Variants in LMO7 observed in about 807,000 individuals in gnomAD.
The protein encoded by LMO7 is LIM domain only protein 7.
A neutral mutation model predicts 206.5 loss-of-function variants in LMO7; 120 were observed. The observed-to-expected ratio is 0.58, with a 90% CI of 0.50 to 0.68. The LOEUF (loss-of-function observed/expected upper bound fraction) is 0.68. Among genes scored for constraint, LMO7 ranks in the 30% least tolerant of loss-of-function variants. The probability of loss-of-function intolerance (pLI) is 0.00; values close to 1 mark genes in which losing one functional copy is unlikely to be tolerated. For synonymous variants in LMO7, 706 were observed against 681.5 expected (o/e 1.04, Z -0.56); for missense variants, 1,959 against 1,957.9 (o/e 1.00, Z -0.01).
Position 75,670,981 on chromosome 13 carries a change from T to TTTTTTTC in LMO7, c.69+34257_69+34258insTTTTCTT, listed in dbSNP as rs1381214413. ...ATGTTTAAAACTTTTTTTTTTTTTT[T>TTTTTTTC]TTACTATTTAAACTTTCTTGTTAAA... is the stretch of plus-strand genomic sequence containing the variant. On this transcript the variant is annotated intron_variant, in intron 1 of 30. Transcript: ENST00000377534. Among the ~76,000 whole-genome samples, 53 of 150,618 alleles carry TTTTTTTC rather than the reference T, an allele frequency of 3.5e-4. 1 individual carries two copies. The highest frequency in any genetic ancestry group is 3.4e-3 in the Middle Eastern group (1 of 292).
chr13:75,758,147 T>C (rs140679953), intron 3 of LMO7, among the ~76,000 whole-genome samples: 123 of 152,278 alleles, frequency 8.1e-4, no homozygotes, highest in African/African-American at 2.9e-3. Context: ...TCCTGGTGAC[T>C]AGTCCAATTA....
At chr13:75,729,511 C>CT (rs1246095083) in intron 3 of LMO7, among the ~76,000 whole-genome samples, 1 of 151,802 alleles carries the variant, frequency 6.6e-6, no homozygotes, top group Non-Finnish European at 1.5e-5. Flanking sequence ...TGCTTATCAG[C>CT]TTAAGGAGAT....
At chr13:75,630,006 C>T (rs8002355) in intron 2 of LMO7, among the ~76,000 whole-genome samples, 11,947 of 152,082 alleles carry the variant, frequency 0.079, 1,508 homozygotes, top group African/African-American at 0.27. Context: ...CCTGTTCATA[C>T]GAAAACCTAC....
chr13:75,761,529 G>T (rs550745946), intron 4 of LMO7, among the ~76,000 whole-genome samples: 1 of 152,260 alleles, frequency 6.6e-6, no homozygotes, highest in East Asian at 1.9e-4. Context: ...CAAGGACCTT[G>T]TCAGTTGTGG....
At chr13:75,769,785 A>C (rs1353149472) in intron 4 of LMO7, among the ~76,000 whole-genome samples, 1 of 152,140 alleles carries the variant, frequency 6.6e-6, no homozygotes, top group African/African-American at 2.4e-5. Context: ...ATGCTTATCA[A>C]GTATTACTGT....
At chr13:75,719,707 GC>G (rs2043863069) in intron 2 of LMO7, among the ~76,000 whole-genome samples, 1 of 152,182 alleles carries the variant, frequency 6.6e-6, no homozygotes, top group Non-Finnish European at 1.5e-5. Context: ...CTCCTGTTAA[GC>G]CTGTGGAATT....
chr13:75,833,143 C>A lies in LMO7; in HGVS notation c.3042C>A (p.Ile1014=). ...CAATAAAATGGGATATTCCTGGGAT[C>A]TTCGTAGCATCAGTTGAAGCAGGTA... is the stretch of plus-strand genomic sequence containing the variant. ...GFTIKWDIPG[I]FVASVEAGSP... is the part of the protein sequence containing the mutation. The change falls in exon 16 of 31, where the codon ATC becomes ATA. Residue 1014 remains isoleucine, a synonymous_variant. Transcript: ENST00000377534. 1 of 1,595,740 alleles carries A rather than the reference C, an allele frequency of 6.3e-7. No homozygotes were observed. The highest frequency in any genetic ancestry group is 8.6e-7 in the Non-Finnish European group (1 of 1,163,426).
At chr13:75,621,249 G>A (rs2033294175) in exon 1 of LMO7, 1 of 152,190 alleles carries the variant, frequency 6.6e-6, no homozygotes, top group South Asian at 2.1e-4. Context: ...TAAGGAGATG[G>A]AATGAATAGA....
At chr13:75,781,299 C>T (rs1378890763) in intron 4 of LMO7, among the ~76,000 whole-genome samples, 1 of 98,314 alleles carries the variant, frequency 1.0e-5, no homozygotes, top group African/African-American at 4.1e-5. Flanking sequence ...CACAACAGTC[C>T]CCAGAGTGTG....
chr13:75,826,122 C>T (rs756927798), intron 15 of LMO7, among the ~76,000 whole-genome samples: 10 of 152,086 alleles, frequency 6.6e-5, no homozygotes, highest in Non-Finnish European at 1.3e-4. Flanking sequence ...CTCATTGCAG[C>T]CTCAACCTCC....
chr13:75,687,135 G>T (rs1002595625), intron 1 of LMO7, among the ~76,000 whole-genome samples: 2 of 152,180 alleles, frequency 1.3e-5, no homozygotes, highest in Non-Finnish European at 2.9e-5. Context: ...TGCATGAAGG[G>T]TATTATCCCT....
chr13:75,805,636 A>C lies in LMO7; in HGVS notation c.1072A>C (p.Met358Leu). Residue 358 changes from methionine (M) to leucine (L), a missense_variant, in exon 9 of 31, where the codon ATG becomes CTG. Transcript: ENST00000377534. ...DLYVRKLSPVMPNPGNAFDQF... is the reference protein window; with the variant it reads ...DLYVRKLSPVLPNPGNAFDQF... ...TTATGTGCGCAAGCTCAGTCCAGTC[A>C]TGCCAAACCCAGGGAATGCTTTTGA... is the stretch of plus-strand genomic sequence containing the variant. The C allele has an allele frequency of 1.2e-6, 2 of 1,614,098 alleles. No homozygotes were observed. Among genetic ancestry groups the C allele is most frequent in the Non-Finnish European group, 1.7e-6 (2 of 1,179,902 alleles).
At position 75,849,272 on chromosome 13, in the gene LMO7, T is replaced by A; in HGVS notation, c.4344T>A (p.Ser1448Arg). 1 of 1,613,984 alleles carries A rather than the reference T, an allele frequency of 6.2e-7. No individual in the cohort carries two copies. Among genetic ancestry groups the A allele is most frequent in the African/African-American group, 1.3e-5 (1 of 75,056 alleles). ...RSASVNKEPV[S>R]LPGIMRRGES... The stretch of plus-strand genomic sequence containing the variant: ...CCAGTGTCAACAAAGAGCCTGTTAG[T>A]CTTCCTGGGATCATGAGAAGGTGCG... Residue 1448 changes from serine (S) to arginine (R), a missense_variant, in exon 27 of 31, where the codon AGT becomes AGA. Physicochemically the swap from Ser to Arg is moderately radical, Grantham distance 110. Coordinates refer to ENST00000377534, the MANE Select transcript of LMO7 (RefSeq NM_001306080.2).
intron 22 of LMO7, 91 bp downstream of exon 22, chr13:75,840,586 A>G (rs2059487340): frequency 6.9e-7 from 1 of 1,443,052 alleles, no homozygotes; most frequent in Non-Finnish European, 9.4e-7. Flanking sequence ...ACTAATTTTA[A>G]ACGCAACAAT....
intron 1 of LMO7, among the ~76,000 whole-genome samples, chr13:75,706,547 A>T (rs1406048893): frequency 6.6e-6 from 1 of 152,128 alleles, no homozygotes; most frequent in Non-Finnish European, 1.5e-5. Flanking sequence ...TCTTATACTG[A>T]AATTTAGAGT....
chr13:75,736,034 G>T (rs1035523004), intron 3 of LMO7, among the ~76,000 whole-genome samples: 11 of 152,128 alleles, frequency 7.2e-5, no homozygotes, highest in Non-Finnish European at 1.3e-4. Flanking sequence ...GTGGTTTGTT[G>T]TTGTTGGCCA....
intron 1 of LMO7, among the ~76,000 whole-genome samples, chr13:75,679,280 C>CGGGT (rs1427596343): frequency 1.3e-5 from 2 of 152,186 alleles, no homozygotes; most frequent in African/African-American, 4.8e-5. Flanking sequence ...CAAGGTTGCA[C>CGGGT]CTATAATGAT....
Position 75,800,735 on chromosome 13 carries a change from G to C in LMO7, c.514G>C (p.Gly172Arg). ...AAGAAGTGGCAGGGACAGTGGCTAC[G>C]GTGACATCTGGTGTCCTGAACGTGG... ...LKRSGRDSGY[G>R]DIWCPERGEF... The change falls in exon 7 of 31, where the codon GGT (glycine) becomes CGT (arginine). Residue 172 changes from glycine to arginine, a missense_variant. Gly to Arg is a moderately radical substitution (Grantham distance 125, BLOSUM62 -2). Transcript: ENST00000377534. 6.2e-7 allele frequency: 1 copy of C among 1,614,072 alleles called. No homozygotes were observed. Among genetic ancestry groups the C allele is most frequent in the South Asian group, 1.1e-5 (1 of 91,084 alleles).
intron 10 of LMO7, among the ~76,000 whole-genome samples, chr13:75,808,733 A>G (rs1003535753): frequency 9.9e-5 from 15 of 152,248 alleles, no homozygotes; most frequent in Admixed American, 3.9e-4. Flanking sequence ...CATGAATGGT[A>G]TTTGTTGTCT....
Sources: gnomAD v4.1 joint callset for allele counts (sites outside exome capture counted in the v4.1 genomes callset) on GRCh38, gnomAD v4.1.1 for gene constraint, MANE v1.5 for transcripts, NCBI Gene and HGNC (gene_info 2026-07-23, HGNC 2026-07-21) for gene names.